Variants in DOCK2 observed in about 807,000 individuals in gnomAD.
The protein encoded by DOCK2 is dedicator of cytokinesis protein 2.
In DOCK2, 87 loss-of-function variants were observed where a neutral mutation model predicts 248.9. That is an observed-to-expected ratio of 0.35 (90% CI 0.29 to 0.42). The LOEUF (loss-of-function observed/expected upper bound fraction) is 0.42. Ranked by LOEUF, DOCK2 falls within the 10% of genes least tolerant of loss-of-function variation. The pLI is 1.00. For missense variants in DOCK2, 1,747 were observed against 2,300.2 expected, an observed-to-expected ratio of 0.76 and a Z score of 4.92; for synonymous variants, 805 against 821.6, an observed-to-expected ratio of 0.98 and a Z score of 0.35.
intron 27 of DOCK2, among the ~76,000 whole-genome samples, chr5:169,946,056 C>T (rs1342444597): frequency 1.3e-5 from 2 of 152,192 alleles, no homozygotes; most frequent in African/African-American, 4.8e-5. Flanking sequence ...AGCAAAGCTC[C>T]TCAGAGCCAA....
chr5:169,770,973 A>C (rs1765048815), intron 25 of DOCK2, among the ~76,000 whole-genome samples: 1 of 152,230 alleles, frequency 6.6e-6, no homozygotes, highest in Non-Finnish European at 1.5e-5. Flanking sequence ...GGATAGAACT[A>C]CTAGTAGATT....
intron 6 of DOCK2, among the ~76,000 whole-genome samples, chr5:169,674,775 C>A (rs895487989): frequency 6.6e-6 from 1 of 152,196 alleles, no homozygotes; most frequent in Non-Finnish European, 1.5e-5. Flanking sequence ...CCTGCATTTG[C>A]AAAACTCTCC....
intron 29 of DOCK2, among the ~76,000 whole-genome samples, chr5:169,988,412 T>A (rs1778124610): frequency 6.6e-6 from 1 of 152,212 alleles, no homozygotes; most frequent in Admixed American, 6.5e-5. Flanking sequence ...ACAGAATAGA[T>A]AAGTAACATA....
At chr5:169,685,854 C>T (rs1759942670) in intron 8 of DOCK2, among the ~76,000 whole-genome samples, 1 of 152,186 alleles carries the variant, frequency 6.6e-6, no homozygotes. Flanking sequence ...TATTTGTAAA[C>T]AGCAGAGCTG....
intron 27 of DOCK2, among the ~76,000 whole-genome samples, chr5:169,904,932 C>A (rs928937555): frequency 2.6e-5 from 4 of 152,092 alleles, no homozygotes; most frequent in Non-Finnish European, 4.4e-5. Context: ...CCGAGAGACC[C>A]GGGTTTGAAT....
intron 27 of DOCK2, among the ~76,000 whole-genome samples, chr5:169,955,433 C>A (rs2015421): frequency 0.031 from 4,644 of 152,212 alleles, 167 homozygotes; most frequent in African/African-American, 0.082. Flanking sequence ...GAGGAGGATG[C>A]GCCCCTGGAC....
At chr5:169,962,684 G>C (rs746349947) in intron 27 of DOCK2, among the ~76,000 whole-genome samples, 3 of 152,110 alleles carry the variant, frequency 2.0e-5, no homozygotes, top group Non-Finnish European at 4.4e-5. Flanking sequence ...TGACATATTG[G>C]AAAATACGGC....
At chr5:169,882,581 A>T (rs1255792270) in intron 27 of DOCK2, 2 of 1,549,244 alleles carry the variant, frequency 1.3e-6, no homozygotes, top group South Asian at 1.2e-5. Context: ...GCTTTCTCCA[A>T]GTCTTGAATT....
chr5:169,841,818 C>G (rs145021501), intron 27 of DOCK2, among the ~76,000 whole-genome samples: 5 of 152,298 alleles, frequency 3.3e-5, no homozygotes, highest in South Asian at 2.1e-4. Flanking sequence ...TGGTTATTGT[C>G]TAGCTATCCT....
At chr5:169,638,969 G>T (rs1303450349) in intron 1 of DOCK2, among the ~76,000 whole-genome samples, 5 of 152,128 alleles carry the variant, frequency 3.3e-5, no homozygotes, top group Admixed American at 1.3e-4. Flanking sequence ...GAAGTGTGTG[G>T]GTCAAACAAT....
At chr5:169,806,471 C>A (rs1402180975) in intron 26 of DOCK2, among the ~76,000 whole-genome samples, 1 of 152,024 alleles carries the variant, frequency 6.6e-6, no homozygotes, top group African/African-American at 2.4e-5. Flanking sequence ...AGGAGTCAGC[C>A]AAATGGGTAG....
At chr5:169,862,506 G>GA (rs60698190) in intron 27 of DOCK2, among the ~76,000 whole-genome samples, 15,613 of 150,150 alleles carry the variant, frequency 0.1, 906 homozygotes, top group African/African-American at 0.15. Flanking sequence ...ATGGATACAG[G>GA]AAAAAAAAAA....
At chr5:169,831,324 G>T (rs369372340) in intron 26 of DOCK2, among the ~76,000 whole-genome samples, 1 of 152,152 alleles carries the variant, frequency 6.6e-6, no homozygotes, top group Non-Finnish European at 1.5e-5. Flanking sequence ...CCTCCATTGT[G>T]TGAATAAACT....
At chr5:169,863,263 CAGGA>C (rs1361004065) in intron 27 of DOCK2, among the ~76,000 whole-genome samples, 1 of 152,142 alleles carries the variant, frequency 6.6e-6, no homozygotes, top group Non-Finnish European at 1.5e-5. Context: ...GTCTGGTCAC[CAGGA>C]AGGGAGACTG....
At chr5:170,047,937 C>T (rs1212725891) in intron 40 of DOCK2, among the ~76,000 whole-genome samples, 3 of 152,190 alleles carry the variant, frequency 2.0e-5, no homozygotes, top group Non-Finnish European at 2.9e-5. Context: ...TACTGTAGAG[C>T]AGTCGTTCTC....
At chr5:169,952,433 C>T (rs1776700362) in intron 27 of DOCK2, among the ~76,000 whole-genome samples, 1 of 152,158 alleles carries the variant, frequency 6.6e-6, no homozygotes, top group Non-Finnish European at 1.5e-5. Flanking sequence ...AAAGGACAAA[C>T]AGAGAAGTAG....
intron 27 of DOCK2, among the ~76,000 whole-genome samples, chr5:169,906,632 C>T (rs1305158777): frequency 6.6e-6 from 1 of 152,106 alleles, no homozygotes; most frequent in Admixed American, 6.6e-5. Flanking sequence ...CATGCCTGGC[C>T]AAAACTGAGT....
chr5:169,980,693 G>A (rs1013542363), intron 27 of DOCK2: 2 of 152,292 alleles, frequency 1.3e-5, no homozygotes, highest in Admixed American at 6.5e-5. Context: ...AGGTAGAAAC[G>A]AGAATAATGG....
At chr5:169,954,409 TTTATC>T (rs1157538403) in intron 27 of DOCK2, among the ~76,000 whole-genome samples, 3 of 152,234 alleles carry the variant, frequency 2.0e-5, no homozygotes, top group African/African-American at 7.2e-5. Flanking sequence ...ATTTTTCAGT[TTTATC>T]TTTTTGTATT....
Sources: allele counts gnomAD v4.1 joint callset (sites outside exome capture counted in the v4.1 genomes callset), GRCh38; gene constraint gnomAD v4.1.1; transcripts MANE v1.5; gene names NCBI Gene and HGNC (gene_info 2026-07-23, HGNC 2026-07-21).